Variants in ITCH observed in about 807,000 individuals in gnomAD.
ITCH encodes itchy E3 ubiquitin protein ligase, also known as E3 ubiquitin-protein ligase Itchy homolog.
In ITCH, 28 loss-of-function variants were observed where a neutral mutation model predicts 126.8. The observed-to-expected ratio is 0.22, with a 90% CI of 0.16 to 0.30. The LOEUF is 0.30. Ranked by LOEUF, ITCH falls within the 10% of genes least tolerant of loss-of-function variation. ITCH has a pLI of 1.00. For missense variants in ITCH, 631 were observed against 1,032.4 expected, an observed-to-expected ratio of 0.61 and a Z score of 5.33; for synonymous variants, 342 against 340.0, an observed-to-expected ratio of 1.01 and a Z score of -0.06.
At chr20:34,439,015 A>G (rs1166833803) in intron 8 of ITCH, among the ~76,000 whole-genome samples, 2 of 152,206 alleles carry the variant, frequency 1.3e-5, no homozygotes, top group East Asian at 3.8e-4. Context: ...CGAAAACCCA[A>G]CAATGCTAAA....
intron 23 of ITCH, among the ~76,000 whole-genome samples, chr20:34,492,832 T>A (rs1342345161): frequency 1.3e-5 from 2 of 152,254 alleles, no homozygotes; most frequent in South Asian, 2.1e-4. Flanking sequence ...CAGTCTTCTG[T>A]ATGTAAATCT....
intron 8 of ITCH, among the ~76,000 whole-genome samples, chr20:34,439,916 A>G (rs983230702): frequency 1.3e-5 from 2 of 152,230 alleles, no homozygotes; most frequent in Admixed American, 1.3e-4. Context: ...GAGAACCTGT[A>G]CATGCTTCGT....
intron 3 of ITCH, among the ~76,000 whole-genome samples, chr20:34,396,830 ATC>A (rs1294649994): frequency 2.0e-5 from 3 of 152,112 alleles, no homozygotes; most frequent in South Asian, 2.1e-4. Flanking sequence ...GTTAATTAAT[ATC>A]TCTGTCTTTA....
At chr20:34,503,892 T>G (rs868560063) in intron 23 of ITCH, among the ~76,000 whole-genome samples, 2 of 144,754 alleles carry the variant, frequency 1.4e-5, no homozygotes, top group Admixed American at 6.8e-5. Flanking sequence ...TTGGTTTTTT[T>G]TTTTTTTGAG....
intron 2 of ITCH, among the ~76,000 whole-genome samples, chr20:34,375,581 T>G (rs2037806297): frequency 6.6e-6 from 1 of 150,600 alleles, no homozygotes; most frequent in Non-Finnish European, 1.5e-5. Context: ...TTTATTTCAA[T>G]AAATAAATAA....
chr20:34,463,141 T>C (rs1986701579), intron 14 of ITCH, among the ~76,000 whole-genome samples: 1 of 152,162 alleles, frequency 6.6e-6, no homozygotes, highest in Non-Finnish European at 1.5e-5. Flanking sequence ...GGCAGGCGGA[T>C]CACCTGATAT....
At chr20:34,495,314 T>TATATAC (rs1555885670) in intron 23 of ITCH, among the ~76,000 whole-genome samples, 1 of 76,372 alleles carries the variant, frequency 1.3e-5, no homozygotes, top group African/African-American at 3.9e-5. Flanking sequence ...TATATATATA[T>TATATAC]ATACACACGC....
At chr20:34,393,185 G>T (rs2038547813) in intron 2 of ITCH, among the ~76,000 whole-genome samples, 1 of 152,102 alleles carries the variant, frequency 6.6e-6, no homozygotes, top group Non-Finnish European at 1.5e-5. Context: ...TCTTCTTTTG[G>T]CCCCTGTATT....
At chr20:34,454,336 A>G (rs1168029545) in intron 12 of ITCH, 1 of 151,648 alleles carries the variant, frequency 6.6e-6, no homozygotes, top group Non-Finnish European at 1.5e-5. Flanking sequence ...ACGGGGTTTC[A>G]TTGTGTTAGC....
At chr20:34,368,871 C>T (rs2037515756) in intron 1 of ITCH, among the ~76,000 whole-genome samples, 2 of 152,124 alleles carry the variant, frequency 1.3e-5, no homozygotes, top group Admixed American at 6.6e-5. Context: ...TGCCAGATAG[C>T]CGTCATACTC....
chr20:34,467,834 C>T (rs958617455), intron 14 of ITCH, among the ~76,000 whole-genome samples: 13 of 151,820 alleles, frequency 8.6e-5, no homozygotes, highest in African/African-American at 2.2e-4. Flanking sequence ...TATAGGCATG[C>T]GCCACCATGC....
chr20:34,368,296 T>G (rs907025422), intron 1 of ITCH, among the ~76,000 whole-genome samples: 1 of 152,098 alleles, frequency 6.6e-6, no homozygotes, highest in Non-Finnish European at 1.5e-5. Context: ...AAAATTCGTG[T>G]TAGTACTGAT....
chr20:34,433,571 A>G (rs1982605650), intron 7 of ITCH, among the ~76,000 whole-genome samples: 1 of 151,448 alleles, frequency 6.6e-6, no homozygotes, highest in Non-Finnish European at 1.5e-5. Flanking sequence ...TAGGAGGATC[A>G]CGTGAGCCTG....
At chr20:34,421,355 G>A (rs556819014) in intron 6 of ITCH, among the ~76,000 whole-genome samples, 2 of 152,280 alleles carry the variant, frequency 1.3e-5, no homozygotes, top group South Asian at 4.1e-4. Context: ...CTTTATCTAG[G>A]AGCTAGTTAT....
Position 34,393,853 on chromosome 20 carries a change from C to T in ITCH, c.42C>T (p.Leu14=), listed in dbSNP as rs1348080579. 6.2e-7 allele frequency: 1 copy of T among 1,614,070 alleles called. No homozygotes were observed. The highest frequency in any genetic ancestry group is 1.3e-5 in the African/African-American group (1 of 75,048). ...CACAACTTGGTTCAATGGGTAGCCTCACCATGAAATCACAGCTTCAGATCA... is the reference window on the plus strand; with the variant it reads ...CACAACTTGGTTCAATGGGTAGCCTTACCATGAAATCACAGCTTCAGATCA... The part of the protein sequence containing the change: ...SGSQLGSMGS[L]TMKSQLQITV... The change falls in exon 3 of 25, where the codon CTC becomes CTT. Residue 14 remains leucine, a synonymous_variant. Transcript: ENST00000374864.
intron 2 of ITCH, among the ~76,000 whole-genome samples, chr20:34,371,511 T>A (rs958852307): frequency 3.3e-5 from 5 of 151,972 alleles, no homozygotes; most frequent in Non-Finnish European, 5.9e-5. Context: ...CTTGAACTCC[T>A]GACCTCAGGT....
At chr20:34,374,194 C>A (rs1246246703) in intron 2 of ITCH, among the ~76,000 whole-genome samples, 1 of 152,084 alleles carries the variant, frequency 6.6e-6, no homozygotes, top group Non-Finnish European at 1.5e-5. Flanking sequence ...GGCCTTCATT[C>A]GTGCAAAGAA....
At chr20:34,495,746 T>C (rs1414315606) in intron 23 of ITCH, among the ~76,000 whole-genome samples, 3 of 151,952 alleles carry the variant, frequency 2.0e-5, no homozygotes, top group Non-Finnish European at 4.4e-5. Context: ...GCAGTAGACA[T>C]GGGAGTGCAG....
At chr20:34,475,855 ATT>A in intron 16 of ITCH, 3 of 878,308 alleles carry the variant, frequency 3.4e-6, no homozygotes, top group Non-Finnish European at 5.6e-6. Flanking sequence ...CCATGTACTC[ATT>A]TTATCACTTA....
Sources: gnomAD v4.1 joint callset for allele counts (sites outside exome capture counted in the v4.1 genomes callset) on GRCh38, gnomAD v4.1.1 for gene constraint, MANE v1.5 for transcripts, NCBI Gene and HGNC (gene_info 2026-07-23, HGNC 2026-07-21) for gene names.